The following ZNF782 variants were observed in gnomAD, a reference collection of about 807,000 sequenced individuals.
The protein encoded by ZNF782 is zinc finger protein 782.
A neutral mutation model predicts 13.0 loss-of-function variants in ZNF782; 12 were observed. The observed-to-expected ratio is 0.92, with a 90% confidence interval of 0.59 to 1.50. ZNF782 has a LOEUF of 1.50. Ranked by LOEUF, ZNF782 falls within the 40% of genes most tolerant of loss-of-function variation. ZNF782 has a pLI of 0.00. For missense variants in ZNF782, 770 were observed against 822.9 expected (o/e 0.94, Z 0.79); for synonymous variants, 284 against 283.0 (o/e 1.00, Z -0.04).
rs1187781424 is a variant in ZNF782 at position 96,817,830 on chromosome 9, CTA to C, written c.*91_*92del. On this transcript the variant is annotated 3_prime_UTR_variant, in exon 6 of 6. Transcript: ENST00000481138. The stretch of plus-strand genomic sequence containing the variant: ...ATTGTAGAGGAAATTCCAGTGCTCA[CTA>C]TGTTAACAGTTCTCTCCTGTGTGTT... The C allele has an allele frequency of 1.2e-5, 13 of 1,121,716 alleles. No individual in the cohort carries two copies. Among genetic ancestry groups the C allele is most frequent in the Admixed American group, 8.2e-5 (3 of 36,676 alleles). 69.5% of individuals were successfully genotyped at this position (1,121,716 alleles called of 1,614,324 possible).
intron 5 of ZNF782, among the ~76,000 whole-genome samples, chr9:96,825,299 A>G (rs2118417467): frequency 6.8e-6 from 1 of 148,134 alleles, no homozygotes; most frequent in African/African-American, 2.5e-5. Flanking sequence ...AAAACAAGCA[A>G]TGGGGAAAGG....
chr9:96,845,068 A>T (rs748847034), intron 3 of ZNF782, 52 bp from the exon 4 acceptor site: 1 of 1,604,824 alleles, frequency 6.2e-7, no homozygotes, highest in South Asian at 1.1e-5. Flanking sequence ...AAGGAAAGGA[A>T]AACGTTTTCG....
intron 5 of ZNF782, among the ~76,000 whole-genome samples, chr9:96,820,668 G>A (rs1335146042): frequency 6.6e-6 from 1 of 151,624 alleles, no homozygotes; most frequent in Non-Finnish European, 1.5e-5. Flanking sequence ...TCCTGTCTCA[G>A]CCTCCCGAGT....
At position 96,850,261 on chromosome 9, in the gene ZNF782, C is replaced by T. The variant is rs1851450415; in HGVS notation, c.15+1686G>A. Among the ~76,000 whole-genome samples the T allele has an allele frequency of 6.6e-6, 1 of 152,110 alleles. No homozygotes were observed. Among genetic ancestry groups the T allele is most frequent in the African/African-American group, 2.4e-5 (1 of 41,400 alleles). On this transcript the variant is annotated intron_variant, in intron 3 of 5. Coordinates refer to ENST00000481138, the MANE Select transcript of ZNF782 (RefSeq NM_001001662.3). The surrounding 1 kb of genome is among the most constrained non-coding windows in gnomAD (Gnocchi z 4.3). ...CAAAGATGTGGAACCAACCTAAGTGCCCATGAACTGAGTGGATAAAGAAAA... is the reference window on the plus strand; with the variant it reads ...CAAAGATGTGGAACCAACCTAAGTGTCCATGAACTGAGTGGATAAAGAAAA...
intron 3 of ZNF782, 67 bp downstream of exon 3, chr9:96,851,880 G>T (rs1029507604): frequency 4.9e-6 from 7 of 1,422,692 alleles, no homozygotes; most frequent in African/African-American, 1.4e-5. Context: ...TCCATTTAAT[G>T]CAAGGGCCTA....
At chr9:96,906,314 C>T in the ZNF782 span, among the ~76,000 whole-genome samples, 1 of 148,340 alleles carries the variant, frequency 6.7e-6, no homozygotes, top group Admixed American at 6.6e-5. Context: ...GCATGGACAC[C>T]AACTGGGTGT....
At chr9:96,831,819 A>AG (rs1850811704) in intron 4 of ZNF782, among the ~76,000 whole-genome samples, 1 of 152,088 alleles carries the variant, frequency 6.6e-6, no homozygotes, top group Non-Finnish European at 1.5e-5. Context: ...ATATTAACAT[A>AG]GCCAATCCTG....
intron 1 of ZNF782, among the ~76,000 whole-genome samples, chr9:96,871,421 G>C (rs1251039513): frequency 6.6e-6 from 1 of 152,096 alleles, no homozygotes; most frequent in Non-Finnish European, 1.5e-5. Context: ...AGCCTACCAA[G>C]CAGCTGGGAC....
chr9:96,844,890 C>T lies in ZNF782; in HGVS notation c.142G>A (p.Gly48Ser). Residue 48 changes from glycine to serine, a missense_variant and splice_region_variant, in exon 4 of 6, where the codon GGC becomes AGC. Physicochemically the swap from Gly to Ser is moderately conservative, Grantham distance 56 (BLOSUM62 0). Coordinates refer to ENST00000481138, the MANE Select transcript of ZNF782 (RefSeq NM_001001662.3). ...GAACCCCATGGTAAGCTGTGCTCAC[C>T]CACTGAGACGAGGTGGCTGTAGTTC... ...LENYSHLVSV[G>S]YCFTKPELIF... 6.2e-7 allele frequency: 1 copy of T among 1,613,914 alleles called. No individual in the cohort carries two copies. The highest frequency in any genetic ancestry group is 8.5e-7 in the Non-Finnish European group (1 of 1,179,900).
chr9:96,822,526 C>T (rs1316454428), intron 5 of ZNF782, among the ~76,000 whole-genome samples: 2 of 152,170 alleles, frequency 1.3e-5, no homozygotes, highest in Admixed American at 1.3e-4. Context: ...TAAATCAAAA[C>T]TTTGAGTAAT....
chr9:96,881,985 ATGAGTG>A, the ZNF782 span, among the ~76,000 whole-genome samples: 3 of 96,372 alleles, frequency 3.1e-5, no homozygotes, highest in East Asian at 2.9e-4. Flanking sequence ...TTTTGGAAGT[ATGAGTG>A]TGTGTGTGTG....
intron 5 of ZNF782, among the ~76,000 whole-genome samples, chr9:96,824,496 A>C (rs1450686859): frequency 6.6e-6 from 1 of 152,046 alleles, no homozygotes; most frequent in Non-Finnish European, 1.5e-5. Flanking sequence ...AACTGGCACA[A>C]GACAAGGATG....
intron 4 of ZNF782, among the ~76,000 whole-genome samples, chr9:96,830,330 C>T (rs1850755475): frequency 6.6e-6 from 1 of 151,928 alleles, no homozygotes; most frequent in Non-Finnish European, 1.5e-5. Flanking sequence ...AGAGGGCTGA[C>T]GGGGCTGAGA....
intron 3 of ZNF782, among the ~76,000 whole-genome samples, chr9:96,860,046 G>C (rs995326776): frequency 1.3e-5 from 2 of 152,146 alleles, no homozygotes; most frequent in African/African-American, 2.4e-5. Context: ...CTGGGGAGAG[G>C]GGAGGGGAGA....
chr9:96,869,502 G>T (rs1455408387), intron 1 of ZNF782, among the ~76,000 whole-genome samples: 2 of 152,164 alleles, frequency 1.3e-5, no homozygotes, highest in South Asian at 2.1e-4. Flanking sequence ...GTTAGACAAA[G>T]CATTAGTGCC....
rs749515731 is a variant in ZNF782, at chr9:96,818,507, A to G, written c.1516T>C (p.Tyr506His). 38 of 1,613,796 alleles carry G rather than the reference A, an allele frequency of 2.4e-5. No individual in the cohort carries two copies. Among genetic ancestry groups the G allele is most frequent in the Non-Finnish European group, 3.2e-5 (38 of 1,179,998 alleles). The change falls in exon 6 of 6, where the codon TAT becomes CAT. Residue 506 changes from tyrosine to histidine, a missense_variant. Coordinates refer to ENST00000481138, the MANE Select transcript of ZNF782 (RefSeq NM_001001662.3). ...GCTTTCCCACATTCATCACATTTAT[A>G]TGGTCTTTCCCCTGTGTGAGTTCTT... ...HRRTHTGERP[Y>H]KCDECGKAFK...
intron 5 of ZNF782, among the ~76,000 whole-genome samples, chr9:96,825,010 C>G (rs1850566643): frequency 6.6e-6 from 1 of 151,474 alleles, no homozygotes; most frequent in South Asian, 2.1e-4. Context: ...AATGCCATCC[C>G]CATCAAGCTA....
At chr9:96,834,190 G>A (rs879164086) in intron 4 of ZNF782, among the ~76,000 whole-genome samples, 23 of 152,182 alleles carry the variant, frequency 1.5e-4, no homozygotes, top group Non-Finnish European at 3.1e-4. Flanking sequence ...CGGACCAGGT[G>A]GAGAAAACTG....
chr9:96,850,980 T>C lies in ZNF782; in HGVS notation c.15+967A>G, dbSNP rs987813776. ...GTTGCATCTTCAGTGTTAAAGTATA[T>C]TAGCACAAGGATGGTAAAGCGGTGT... On this transcript the variant is annotated intron_variant, in intron 3 of 5. Coordinates refer to ENST00000481138, the MANE Select transcript of ZNF782 (RefSeq NM_001001662.3). This position sits in a 1 kb window ranked among gnomAD's most constrained non-coding sequence, Gnocchi z 4.3. 6.6e-6 allele frequency among the ~76,000 whole-genome samples: 1 copy of C among 152,092 alleles called. No homozygotes were observed. The highest frequency in any genetic ancestry group is 1.5e-5 in the Non-Finnish European group (1 of 68,016).
Sources: allele counts gnomAD v4.1 joint callset (sites outside exome capture counted in the v4.1 genomes callset), GRCh38; gene constraint gnomAD v4.1.1; non-coding constraint Gnocchi (gnomAD v3.1); transcripts MANE v1.5; gene names NCBI Gene and HGNC (gene_info 2026-07-23, HGNC 2026-07-21).